The following ADGRG6 variants were observed in gnomAD, a reference collection of about 807,000 sequenced individuals.
ADGRG6 encodes G-protein coupled receptor 126.
In ADGRG6, 84 loss-of-function variants were observed where a neutral mutation model predicts 142.4. That is an observed-to-expected ratio of 0.59 (90% confidence interval 0.49 to 0.71). ADGRG6 has a LOEUF of 0.71. Among genes scored for constraint, ADGRG6 ranks in the 30% least tolerant of loss-of-function variants. The pLI is 0.00. For synonymous variants in ADGRG6, 521 were observed against 520.5 expected (o/e 1.00, Z -0.01); for missense variants, 1,367 against 1,466.6 (o/e 0.93, Z 1.11).
intron 22 of ADGRG6, 38 bp downstream of exon 22, chr6:142,420,142 A>G (rs1284183690): frequency 6.6e-7 from 1 of 1,515,438 alleles, no homozygotes; most frequent in South Asian, 1.2e-5. Context: ...CTGCTTTCTA[A>G]TTTTGTCATA....
At chr6:142,353,870 C>T (rs935034949) in intron 2 of ADGRG6, among the ~76,000 whole-genome samples, 2 of 152,158 alleles carry the variant, frequency 1.3e-5, no homozygotes, top group African/African-American at 4.8e-5. Flanking sequence ...TTGTCTTTTG[C>T]TTCAGCAGCC....
chr6:142,434,308 A>C (rs1327974978), intron 22 of ADGRG6, among the ~76,000 whole-genome samples: 1 of 151,136 alleles, frequency 6.6e-6, no homozygotes, highest in African/African-American at 2.4e-5. Context: ...AGAGATCAAC[A>C]TATTTAAATT....
At chr6:142,419,690 G>T in intron 21 of ADGRG6, 131 bp from the exon 22 acceptor site, 1 of 647,050 alleles carries the variant, frequency 1.5e-6, no homozygotes, top group Middle Eastern at 4.0e-4. Context: ...TGAGGTCCAA[G>T]GAAGTAAAGT....
Position 142,419,820 on chromosome 6 carries a change from G to C in ADGRG6, c.3036-1G>C, listed in dbSNP as rs1471075709. ...TTCTTTCTCATTTCTTCTTTTTTAAGCTGTTGGATTCAAGATCCAGTCATA... is the reference window on the plus strand; with the variant it reads ...TTCTTTCTCATTTCTTCTTTTTTAACCTGTTGGATTCAAGATCCAGTCATA... On this transcript the variant is annotated splice_acceptor_variant, in intron 21 of 24. Coordinates refer to ENST00000367609, the MANE Select transcript of ADGRG6 (RefSeq NM_198569.3). LOFTEE classifies it high-confidence loss of function. 6.3e-7 allele frequency: 1 copy of C among 1,593,134 alleles called. No homozygotes were observed. The highest frequency in any genetic ancestry group is 1.8e-5 in the Admixed American group (1 of 56,808).
chr6:142,413,029 T>TTATATA (rs139522751), intron 18 of ADGRG6, among the ~76,000 whole-genome samples: 2,380 of 150,172 alleles, frequency 0.016, 61 homozygotes, highest in African/African-American at 0.055. Context: ...GAATGGTTAA[T>TTATATA]TATATATATA....
chr6:142,339,042 C>T (rs1039783553), intron 2 of ADGRG6, among the ~76,000 whole-genome samples: 24 of 152,182 alleles, frequency 1.6e-4, no homozygotes, highest in Non-Finnish European at 5.9e-5. Flanking sequence ...ACTCTTAAAA[C>T]TTCACATCCA....
At chr6:142,351,835 C>T (rs539394569) in intron 2 of ADGRG6, among the ~76,000 whole-genome samples, 12 of 152,216 alleles carry the variant, frequency 7.9e-5, no homozygotes, top group Middle Eastern at 6.8e-3. Flanking sequence ...GGAACTTGAA[C>T]GGATTGGCAA....
chr6:142,359,202 A>AT (rs1172483945), intron 2 of ADGRG6, among the ~76,000 whole-genome samples: 49 of 132,390 alleles, frequency 3.7e-4, no homozygotes, highest in African/African-American at 1.4e-3. Flanking sequence ...GCAAGACCCT[A>AT]TAAAAAAAAA....
chr6:142,394,360 T>A (rs560275188), intron 9 of ADGRG6, among the ~76,000 whole-genome samples: 2 of 152,298 alleles, frequency 1.3e-5, no homozygotes, highest in South Asian at 4.1e-4. Flanking sequence ...CATTTAAAGC[T>A]ATTAGTTAAT....
intron 2 of ADGRG6, among the ~76,000 whole-genome samples, chr6:142,352,959 C>T (rs901027287): frequency 1.3e-5 from 2 of 152,144 alleles, no homozygotes; most frequent in Admixed American, 6.5e-5. Flanking sequence ...AGATCTCCTC[C>T]CTCTCCTTTC....
intron 2 of ADGRG6, among the ~76,000 whole-genome samples, chr6:142,344,100 C>T (rs1228619842): frequency 6.6e-6 from 1 of 151,840 alleles, no homozygotes. Flanking sequence ...ATCCAGTTCA[C>T]ATGCTAATAC....
intron 2 of ADGRG6, among the ~76,000 whole-genome samples, chr6:142,317,255 C>T (rs1409638726): frequency 2.6e-5 from 4 of 151,992 alleles, no homozygotes; most frequent in Non-Finnish European, 5.9e-5. Flanking sequence ...TTTTTATTGA[C>T]CTTTCAGAAG....
chr6:142,356,490 A>G (rs1780451758), intron 2 of ADGRG6, among the ~76,000 whole-genome samples: 1 of 148,668 alleles, frequency 6.7e-6, no homozygotes, highest in Non-Finnish European at 1.5e-5. Context: ...ACAAATGAAC[A>G]CAAAGTCTCA....
At chr6:142,368,543 T>A (rs1781062173) in intron 3 of ADGRG6, among the ~76,000 whole-genome samples, 1 of 152,086 alleles carries the variant, frequency 6.6e-6, no homozygotes, top group Admixed American at 6.6e-5. Context: ...TTAGTTATAC[T>A]GTTTTTTTTT....
chr6:142,326,282 AT>A (rs1467386133), intron 2 of ADGRG6, among the ~76,000 whole-genome samples: 1 of 150,830 alleles, frequency 6.6e-6, no homozygotes, highest in Non-Finnish European at 1.5e-5. Context: ...TCAAAACTTT[AT>A]TGTTTCTCTG....
Position 142,415,997 on chromosome 6 carries a change from T to C in ADGRG6, c.2871T>C (p.Ile957=), listed in dbSNP as rs1350928316. Residue 957 remains isoleucine, a synonymous_variant, in exon 20 of 25, where the codon ATT becomes ATC. Coordinates refer to ENST00000367609, the MANE Select transcript of ADGRG6 (RefSeq NM_198569.3). ...GGCTAGAAGCAATTCACATGTACAT[T>C]GCTCTAGTTAAAGTATTTAACACTT... is the stretch of plus-strand genomic sequence containing the variant. ...WMGLEAIHMY[I]ALVKVFNTYI... The C allele has an allele frequency of 6.2e-7, 1 of 1,611,644 alleles. No individual in the cohort carries two copies. Among genetic ancestry groups the C allele is most frequent in the Non-Finnish European group, 8.5e-7 (1 of 1,177,988 alleles).
intron 2 of ADGRG6, among the ~76,000 whole-genome samples, chr6:142,311,774 CT>C (rs1297435627): frequency 2.6e-5 from 4 of 151,960 alleles, no homozygotes; most frequent in African/African-American, 9.7e-5. Context: ...AGAGCCATCT[CT>C]TGAGTTGCTG....
At chr6:142,344,484 C>T (rs564750442) in intron 2 of ADGRG6, among the ~76,000 whole-genome samples, 1 of 152,058 alleles carries the variant, frequency 6.6e-6, no homozygotes, top group Admixed American at 6.6e-5. Context: ...TCCTTACAAA[C>T]ACATTTTAAA....
chr6:142,433,275 C>A (rs1202722098), intron 22 of ADGRG6, among the ~76,000 whole-genome samples: 3 of 152,162 alleles, frequency 2.0e-5, no homozygotes, highest in African/African-American at 7.2e-5. Flanking sequence ...TCCTTCAGTC[C>A]ACTCTACTCT....
Sources: allele counts gnomAD v4.1 joint callset (sites outside exome capture counted in the v4.1 genomes callset), GRCh38; gene constraint gnomAD v4.1.1; transcripts MANE v1.5; gene names NCBI Gene and HGNC (gene_info 2026-07-23, HGNC 2026-07-21).